Variants in PTPN13 observed in about 807,000 individuals in gnomAD.
PTPN13 encodes protein tyrosine phosphatase non-receptor type 13, also known as tyrosine-protein phosphatase non-receptor type 13.
Under a neutral mutation model 284.0 loss-of-function variants are expected in PTPN13, and 191 were observed. That is an observed-to-expected ratio of 0.67 (90% CI 0.60 to 0.76). The LOEUF (loss-of-function observed/expected upper bound fraction) is 0.76. Ranked by LOEUF, PTPN13 falls within the 30% of genes least tolerant of loss-of-function variation. The probability of loss-of-function intolerance (pLI) is 0.00; values close to 1 mark genes in which losing one functional copy is unlikely to be tolerated. For missense variants in PTPN13, 2,797 were observed against 2,939.9 expected (o/e 0.95, Z 1.12); for synonymous variants, 986 against 1,022.3 (o/e 0.96, Z 0.68).
At chr4:86,788,705 C>A (rs1020259990) in intron 40 of PTPN13, among the ~76,000 whole-genome samples, 1 of 152,102 alleles carries the variant, frequency 6.6e-6, no homozygotes, top group Non-Finnish European at 1.5e-5. Flanking sequence ...AGTTTCAAAA[C>A]CATTCAGCTA....
At chr4:86,794,172 A>G (rs967247246) in intron 40 of PTPN13, among the ~76,000 whole-genome samples, 1 of 152,156 alleles carries the variant, frequency 6.6e-6, no homozygotes, top group Non-Finnish European at 1.5e-5. Context: ...TCAGTCCAAA[A>G]TCTCCTTAAG....
At chr4:86,639,014 A>G (rs1723406508) in intron 2 of PTPN13, among the ~76,000 whole-genome samples, 2 of 152,228 alleles carry the variant, frequency 1.3e-5, no homozygotes, top group South Asian at 4.1e-4. Flanking sequence ...AAAGTGGGCA[A>G]AGGATATGAA....
chr4:86,651,818 G>A (rs1223839845), intron 2 of PTPN13, among the ~76,000 whole-genome samples: 1 of 152,164 alleles, frequency 6.6e-6, no homozygotes, highest in Admixed American at 6.5e-5. Context: ...TGTGATATCA[G>A]TTGTAATGTC....
chr4:86,719,164 G>C (rs560907005), intron 9 of PTPN13, among the ~76,000 whole-genome samples: 2 of 152,210 alleles, frequency 1.3e-5, no homozygotes, highest in Admixed American at 6.6e-5. Flanking sequence ...AGTATCAGTT[G>C]TTTCCTTCTT....
intron 17 of PTPN13, among the ~76,000 whole-genome samples, chr4:86,749,310 T>TTCATCA (rs748716956): frequency 4.0e-4 from 60 of 151,242 alleles, no homozygotes; most frequent in African/African-American, 9.7e-4. Context: ...TTTCTTCATC[T>TTCATCA]TCATCATCAT....
intron 3 of PTPN13, among the ~76,000 whole-genome samples, chr4:86,680,393 CTA>C (rs767730252): frequency 6.3e-5 from 9 of 141,972 alleles, no homozygotes; most frequent in African/African-American, 2.1e-4. Context: ...ATCTATCTAT[CTA>C]TCTATCTCTA....
chr4:86,741,869 C>T (rs1025204710), intron 16 of PTPN13, 53 bp downstream of exon 16: 2 of 1,445,434 alleles, frequency 1.4e-6, no homozygotes, highest in Non-Finnish European at 1.9e-6. Flanking sequence ...TTACCAACTT[C>T]CAATGTAACA....
intron 2 of PTPN13, among the ~76,000 whole-genome samples, chr4:86,667,552 T>C (rs1005965892): frequency 6.6e-6 from 1 of 152,212 alleles, no homozygotes; most frequent in Non-Finnish European, 1.5e-5. Flanking sequence ...AGGGGAACTA[T>C]TCTGAACCAT....
intron 32 of PTPN13, among the ~76,000 whole-genome samples, chr4:86,773,709 A>G (rs756820436): frequency 4.0e-5 from 6 of 149,814 alleles, no homozygotes; most frequent in African/African-American, 7.4e-5. Flanking sequence ...TTTTTTGCCT[A>G]TAATTGTGCA....
At chr4:86,719,745 A>G (rs563265103) in intron 9 of PTPN13, among the ~76,000 whole-genome samples, 11 of 152,230 alleles carry the variant, frequency 7.2e-5, no homozygotes, top group East Asian at 1.9e-4. Context: ...GCTTTTTTCA[A>G]TGCTTGTAGG....
chr4:86,689,878 T>C (rs1729847498), intron 5 of PTPN13: 2 of 621,788 alleles, frequency 3.2e-6, no homozygotes, highest in South Asian at 4.0e-5. Flanking sequence ...TTATCTGCTC[T>C]TATCCTTAGG....
chr4:86,613,710 G>A (rs1393807795), intron 1 of PTPN13, among the ~76,000 whole-genome samples: 1 of 151,734 alleles, frequency 6.6e-6, no homozygotes, highest in Admixed American at 6.6e-5. Context: ...CCAGCTAAAG[G>A]TCAACCTTGC....
intron 45 of PTPN13, 26 bp from the exon 46 acceptor site, chr4:86,809,743 C>T: frequency 6.4e-7 from 1 of 1,568,352 alleles, no homozygotes; most frequent in Non-Finnish European, 8.8e-7. Context: ...ATGTCATGAT[C>T]CACTTATTCT....
chr4:86,647,434 T>C (rs34155193), intron 2 of PTPN13, among the ~76,000 whole-genome samples: 7,072 of 151,768 alleles, frequency 0.047, 223 homozygotes, highest in African/African-American at 0.061. Context: ...AGTAGACTAC[T>C]CACCTTTAAA....
chr4:86,739,399 G>A (rs1281132283), intron 15 of PTPN13, among the ~76,000 whole-genome samples: 3 of 152,146 alleles, frequency 2.0e-5, no homozygotes, highest in African/African-American at 4.8e-5. Flanking sequence ...CACAATCACG[G>A]TGGAAGGTCT....
intron 3 of PTPN13, among the ~76,000 whole-genome samples, chr4:86,680,760 C>T (rs1340238476): frequency 6.6e-6 from 1 of 152,184 alleles, no homozygotes; most frequent in Admixed American, 6.5e-5. Flanking sequence ...CTTATGACTC[C>T]TCTTTTTTAG....
intron 47 of PTPN13, among the ~76,000 whole-genome samples, chr4:86,814,095 C>A (rs559392066): frequency 1.2e-4 from 18 of 150,340 alleles, no homozygotes; most frequent in African/African-American, 4.4e-4. Context: ...GCAACCTCCG[C>A]CTCCTGTGTC....
intron 2 of PTPN13, among the ~76,000 whole-genome samples, chr4:86,645,893 A>G (rs1403321976): frequency 6.6e-6 from 1 of 152,198 alleles, no homozygotes; most frequent in East Asian, 1.9e-4. Flanking sequence ...TTGAAAAAAG[A>G]ACAATGTTTA....
chr4:86,774,303 A>G, intron 32 of PTPN13, 70 bp from the exon 33 acceptor site: 1 of 1,412,778 alleles, frequency 7.1e-7, no homozygotes, highest in East Asian at 2.4e-5. Flanking sequence ...AAGGGAAATG[A>G]TAGTCATCTT....
Sources: allele counts gnomAD v4.1 joint callset (sites outside exome capture counted in the v4.1 genomes callset), GRCh38; gene constraint gnomAD v4.1.1; transcripts MANE v1.5; gene names NCBI Gene and HGNC (gene_info 2026-07-23, HGNC 2026-07-21).